ANKRD54: variants seen among roughly 807,000 people sequenced by gnomAD.
ANKRD54 encodes the protein ankyrin repeat domain 54.
ANKRD54 carries 26 observed loss-of-function variants against 36.2 expected under a neutral mutation model. That is an observed-to-expected ratio of 0.72 (90% CI 0.53 to 1.00). The LOEUF (loss-of-function observed/expected upper bound fraction) is 1.00. Among genes scored for constraint, ANKRD54 ranks in the 50% least tolerant of loss-of-function variants. The probability of loss-of-function intolerance (pLI) is 0.00; values close to 1 mark genes in which losing one functional copy is unlikely to be tolerated. For synonymous variants in ANKRD54, 209 were observed against 188.4 expected (o/e 1.11, Z -0.89); for missense variants, 384 against 424.3 (o/e 0.91, Z 0.83).
Position 37,844,035 on chromosome 22 carries a change from C to A in ANKRD54, c.204G>T (p.Leu68Phe). The change falls in exon 1 of 8, where the codon TTG becomes TTT. Residue 68 changes from leucine to phenylalanine, a missense_variant. Around this residue, in one of 3 missense-constraint regions of ANKRD54, gnomAD observed 195 missense variants for 177.7 expected, o/e 1.10. Coordinates refer to ENST00000215941, the MANE Select transcript of ANKRD54 (RefSeq NM_138797.4). The stretch of plus-strand genomic sequence containing the variant: ...CCGCATCCTGCTGCCACAGGACGTG[C>A]AAGTAGCGCAGCGGCGACTGGGCCC... ...SGGAQSPLRY[L>F]HVLWQQDAEP... 6.9e-7 allele frequency: 1 copy of A among 1,439,232 alleles called. No individual in the cohort carries two copies. Among genetic ancestry groups the A allele is most frequent in the Non-Finnish European group, 9.1e-7 (1 of 1,102,418 alleles). The allele number at this position is 1,439,232 out of a possible 1,614,324, so 89.2% of individuals were successfully genotyped here.
intron 3 of ANKRD54, among the ~76,000 whole-genome samples, chr22:37,837,653 T>C (rs1441625019): frequency 2.6e-5 from 4 of 152,188 alleles, no homozygotes; most frequent in Admixed American, 6.5e-5. Context: ...TGTACTGATA[T>C]AGGCAGTATT....
rs1923174985 is a variant in ANKRD54 at position 37,833,652 on chromosome 22, T to C, written c.547+32A>G. 3 of 1,609,178 alleles carry C rather than the reference T, an allele frequency of 1.9e-6. No individual in the cohort carries two copies. The East Asian group carries it at 6.7e-5, about 36-fold the overall frequency. On this transcript the variant is annotated intron_variant, in intron 4 of 7. Transcript: ENST00000215941. The stretch of plus-strand genomic sequence containing the variant: ...CTAAAGAGCCTTTCTTTGCTGCAAA[T>C]GAGTTGTCTTAGTGACTTCTGACAT...
intron 1 of ANKRD54, among the ~76,000 whole-genome samples, chr22:37,841,848 A>T (rs1158702582): frequency 7.3e-6 from 1 of 137,784 alleles, no homozygotes; most frequent in African/African-American, 2.9e-5. Flanking sequence ...ACTCTGTCTC[A>T]AAATAAATAA....
chr22:37,833,220 A>G lies in ANKRD54; in HGVS notation c.548-14T>C, dbSNP rs541401539. Reference sequence around the variant, plus strand: ...TGGTGCAGGCCGCTGAGGAAGAACAACAGAGACTTAAGAATCCAGGACCAC... The same window carrying G: ...TGGTGCAGGCCGCTGAGGAAGAACAGCAGAGACTTAAGAATCCAGGACCAC... On this transcript the variant is annotated splice_polypyrimidine_tract_variant and intron_variant, in intron 4 of 7. Transcript: ENST00000215941. The G allele has an allele frequency of 8.7e-6, 14 of 1,613,160 alleles. No homozygotes were observed. The South Asian group carries it at 1.2e-4, about 14-fold the overall frequency.
At chr22:37,837,960 C>T (rs778815069) in intron 3 of ANKRD54, among the ~76,000 whole-genome samples, 15 of 152,252 alleles carry the variant, frequency 9.9e-5, no homozygotes, top group Non-Finnish European at 2.1e-4. Context: ...AGTGAAACCC[C>T]GTCTCTACTA....
intron 3 of ANKRD54, among the ~76,000 whole-genome samples, chr22:37,836,113 C>A (rs1923489739): frequency 6.7e-6 from 1 of 149,036 alleles, no homozygotes; most frequent in Admixed American, 6.7e-5. Flanking sequence ...GGATTACAGG[C>A]GTGAGATACC....
intron 7 of ANKRD54, 24 bp downstream of exon 7, chr22:37,832,613 T>A: frequency 6.2e-7 from 1 of 1,603,890 alleles, no homozygotes. Context: ...AGGCCCTGGG[T>A]CTGGGCCTGT....
At chr22:37,832,770 G>T in intron 6 of ANKRD54, 26 bp from the exon 7 acceptor site, 2 of 1,612,196 alleles carry the variant, frequency 1.2e-6, no homozygotes, top group South Asian at 1.1e-5. Context: ...GAGCTGAGCT[G>T]CCTGGGTTCC....
rs1922916169 is a variant in ANKRD54 at position 37,831,833 on chromosome 22, C to T, written c.*110G>A. 1 of 1,196,144 alleles carries T rather than the reference C, an allele frequency of 8.4e-7. No homozygotes were observed. The highest frequency in any genetic ancestry group is 1.4e-5 in the South Asian group (1 of 71,304). 74.1% of individuals were successfully genotyped at this position (1,196,144 alleles called of 1,614,324 possible). Reference sequence around the variant, plus strand: ...CGGCATCTGCGGGTGAGGGCAAGGTCCTCACCAGACAAGTGCAGCTCCAAG... The same window carrying T: ...CGGCATCTGCGGGTGAGGGCAAGGTTCTCACCAGACAAGTGCAGCTCCAAG... On this transcript the variant is annotated 3_prime_UTR_variant, in exon 8 of 8. Transcript: ENST00000215941.
intron 4 of ANKRD54, among the ~76,000 whole-genome samples, 183 bp from the exon 5 acceptor site, chr22:37,833,389 C>A (rs1024601077): frequency 6.6e-6 from 1 of 152,166 alleles, no homozygotes; most frequent in Non-Finnish European, 1.5e-5. Flanking sequence ...CCCTGTACAG[C>A]AGAGGAAACT....
chr22:37,834,679 C>G (rs1211626600), intron 3 of ANKRD54: 1 of 90,142 alleles, frequency 1.1e-5, no homozygotes, highest in African/African-American at 4.5e-5. Context: ...GCCTAGGCAA[C>G]AGAGACAGAC....
At position 37,837,726 on chromosome 22, in the gene ANKRD54, C is replaced by T. The variant is rs188177509; in HGVS notation, c.475+774G>A. ...TATGCAAGGCTGGTGCAGTGGCTCA[C>T]GCCTGTAATCCCAGCACTTTGGGAG... On this transcript the variant is annotated intron_variant, in intron 3 of 7. Coordinates refer to ENST00000215941, the MANE Select transcript of ANKRD54 (RefSeq NM_138797.4). 6.6e-5 allele frequency among the ~76,000 whole-genome samples: 10 copies of T among 152,324 alleles called. No individual in the cohort carries two copies. The East Asian group carries it at 1.5e-3, about 23-fold the overall frequency.
At chr22:37,833,460 C>T (rs1923152155) in intron 4 of ANKRD54, among the ~76,000 whole-genome samples, 2 of 152,124 alleles carry the variant, frequency 1.3e-5, no homozygotes, top group African/African-American at 4.8e-5. Flanking sequence ...GCTGGGCTAG[C>T]CTAGGTTGCT....
upstream of ANKRD54, chr22:37,844,433 G>A (rs1924703304): frequency 5.6e-6 from 3 of 538,070 alleles, no homozygotes; most frequent in Non-Finnish European, 9.5e-6. Context: ...GCTTAAACCG[G>A]TCCCAAAACC....
At chr22:37,845,123 G>A (rs1388038221), upstream of ANKRD54, among the ~76,000 whole-genome samples, 5 of 151,872 alleles carry the variant, frequency 3.3e-5, no homozygotes, top group African/African-American at 1.2e-4. Flanking sequence ...GTGAGTAATA[G>A]TGTCTAAATG....
rs763333204 is a variant in ANKRD54, at chr22:37,844,321, G to C, written c.-83C>G. ...CCTACTTCCCTCCGCCCTGAGTCGT[G>C]CTGTCAGCGAGCTGGCGGGCGGGCA... On this transcript the variant is annotated 5_prime_UTR_variant, in exon 1 of 8. Coordinates refer to ENST00000215941, the MANE Select transcript of ANKRD54 (RefSeq NM_138797.4). The C allele has an allele frequency of 6.9e-6, 10 of 1,443,512 alleles. No individual in the cohort carries two copies. The East Asian group carries it at 2.7e-4, about 39-fold the overall frequency. 89.4% of individuals were successfully genotyped at this position (1,443,512 alleles called of 1,614,324 possible). A position where few individuals can be genotyped will look rare whatever the true frequency, so the allele number is the denominator to read the frequency against.
In ANKRD54 at chr22:37,833,577, C is replaced by T. The variant is rs1923162622; in HGVS notation, c.547+107G>A. 6 of 1,222,814 alleles carry T rather than the reference C, an allele frequency of 4.9e-6. No homozygotes were observed. In the East Asian group the frequency reaches 1.2e-4, roughly 25 times the overall value. The allele number at this position is 1,222,814 out of a possible 1,614,324, so 75.7% of individuals were successfully genotyped here. On this transcript the variant is annotated intron_variant, in intron 4 of 7. Transcript: ENST00000215941. ...TGGGAGTGCAGGCCTAGGATCTTCC[C>T]TGACACTCACAGTTTCTGCCAGGAG...
chr22:37,841,848 AAAATAAATAAATAAATAAAT>A (rs56891536), intron 1 of ANKRD54, among the ~76,000 whole-genome samples: 4 of 137,872 alleles, frequency 2.9e-5, no homozygotes, highest in East Asian at 2.0e-4. Context: ...ACTCTGTCTC[AAAATAAATAAATAAATAAAT>A]AAATAAATAA....
At chr22:37,849,316 C>T (rs1448313996), upstream of ANKRD54, 4 of 1,090,776 alleles carry the variant, frequency 3.7e-6, no homozygotes, top group African/African-American at 1.5e-5. Context: ...ATATGGCTGT[C>T]TCAGATGGCC....
Sources: gnomAD v4.1 joint callset for allele counts (sites outside exome capture counted in the v4.1 genomes callset) on GRCh38, gnomAD v4.1.1 for gene constraint, gnomAD v4.1.1 regional missense constraint, MANE v1.5 for transcripts, NCBI Gene and HGNC (gene_info 2026-07-23, HGNC 2026-07-21) for gene names.